ATE1: variants seen among roughly 807,000 people sequenced by gnomAD.
ATE1 encodes arginyl-tRNA--protein transferase 1.
Under a neutral mutation model 70.5 loss-of-function variants are expected in ATE1, and 36 were observed. That is an observed-to-expected ratio of 0.51 (90% CI 0.39 to 0.67). ATE1 has a LOEUF of 0.67. ATE1 is among the 30% of genes least tolerant of loss of function. The pLI, the probability that ATE1 is intolerant of heterozygous loss-of-function variation, is 0.00. For missense variants in ATE1, 593 were observed against 629.5 expected (o/e 0.94, Z 0.62); for synonymous variants, 232 against 219.3 (o/e 1.06, Z -0.51).
chr10:121,778,482 A>C (rs147341442), intron 11 of ATE1, among the ~76,000 whole-genome samples: 295 of 151,550 alleles, frequency 1.9e-3, no homozygotes, highest in Non-Finnish European at 3.1e-3. Context: ...CCATTTGGTA[A>C]ATGAAAAGGA....
intron 8 of ATE1, among the ~76,000 whole-genome samples, chr10:121,842,329 T>A (rs1208723239): frequency 6.6e-6 from 1 of 152,146 alleles, no homozygotes; most frequent in Non-Finnish European, 1.5e-5. Context: ...AAGAACAGTA[T>A]CAAGGAGCAT....
chr10:121,922,119 A>AT (rs1187671122), intron 3 of ATE1, among the ~76,000 whole-genome samples: 1 of 152,174 alleles, frequency 6.6e-6, no homozygotes, highest in African/African-American at 2.4e-5. Flanking sequence ...TTAAGAGGGT[A>AT]TTTTTTTCAC....
intron 11 of ATE1, among the ~76,000 whole-genome samples, chr10:121,762,544 T>G (rs1590230439): frequency 6.6e-6 from 1 of 152,150 alleles, no homozygotes; most frequent in Non-Finnish European, 1.5e-5. Context: ...CTGTGTGGAT[T>G]TTCTCAAGGT....
At chr10:121,811,951 C>CTTTTT (rs71022870) in intron 10 of ATE1, among the ~76,000 whole-genome samples, 23 of 74,730 alleles carry the variant, frequency 3.1e-4, no homozygotes, top group East Asian at 1.7e-3. Flanking sequence ...ATTCCAAATT[C>CTTTTT]TTTTTTTTTT....
At chr10:121,792,201 T>A (rs1008097897) in intron 10 of ATE1, among the ~76,000 whole-genome samples, 2 of 152,070 alleles carry the variant, frequency 1.3e-5, no homozygotes, top group African/African-American at 2.4e-5. Context: ...GGGAACGGCA[T>A]AAACAAAGAC....
intron 11 of ATE1, among the ~76,000 whole-genome samples, chr10:121,761,414 C>T (rs1433832918): frequency 6.6e-6 from 1 of 152,124 alleles, no homozygotes; most frequent in Non-Finnish European, 1.5e-5. Context: ...CTCAGATGAT[C>T]ACTAGCATTT....
intron 8 of ATE1, among the ~76,000 whole-genome samples, chr10:121,866,280 T>C (rs891846227): frequency 1.3e-4 from 20 of 152,130 alleles, no homozygotes; most frequent in African/African-American, 4.8e-4. Context: ...TAGAAAAATA[T>C]CAACAGAAAG....
Position 121,919,664 on chromosome 10 carries a change from C to T in ATE1, c.233+2685G>A, listed in dbSNP as rs1264714263. 3.3e-5 allele frequency among the ~76,000 whole-genome samples: 5 copies of T among 151,794 alleles called. No homozygotes were observed. In the East Asian group the frequency reaches 5.8e-4, roughly 18 times the overall value. On this transcript the variant is annotated intron_variant, in intron 3 of 11. Transcript: ENST00000224652. ...GGCATGGTGGCTCACGCCTGAAATC[C>T]CAGCACTTTGAGGTGGGTAGATCAC...
intron 10 of ATE1, among the ~76,000 whole-genome samples, chr10:121,803,343 A>G (rs906254700): frequency 4.6e-5 from 7 of 152,218 alleles, no homozygotes; most frequent in Non-Finnish European, 8.8e-5. Context: ...GTTGCATTTA[A>G]ATATGTTTTA....
intron 10 of ATE1, among the ~76,000 whole-genome samples, chr10:121,813,219 C>T (rs963543184): frequency 6.6e-6 from 1 of 152,224 alleles, no homozygotes; most frequent in Non-Finnish European, 1.5e-5. Context: ...ACCCTAAGGA[C>T]ACCACCTTAG....
chr10:121,809,892 C>G (rs1232687530), intron 10 of ATE1, among the ~76,000 whole-genome samples: 1 of 148,690 alleles, frequency 6.7e-6, no homozygotes, highest in African/African-American at 2.5e-5. Context: ...AAAAACAAAA[C>G]AAAACAAAAC....
At chr10:121,753,183 C>A (rs981250337) in intron 11 of ATE1, among the ~76,000 whole-genome samples, 1 of 152,132 alleles carries the variant, frequency 6.6e-6, no homozygotes, top group Non-Finnish European at 1.5e-5. Flanking sequence ...TCTGTGTATG[C>A]TGAACTCATT....
chr10:121,803,070 T>C (rs368863359), intron 10 of ATE1, among the ~76,000 whole-genome samples: 1 of 152,188 alleles, frequency 6.6e-6, no homozygotes, highest in Non-Finnish European at 1.5e-5. Flanking sequence ...ATACAATCTA[T>C]TGGAGTTGTC....
intron 8 of ATE1, among the ~76,000 whole-genome samples, chr10:121,852,237 TC>T (rs1488293754): frequency 6.6e-6 from 1 of 152,172 alleles, no homozygotes; most frequent in Non-Finnish European, 1.5e-5. Context: ...AAAATACCTC[TC>T]CCACATTGTA....
intron 1 of ATE1, among the ~76,000 whole-genome samples, chr10:121,925,238 T>C (rs1160232411): frequency 6.6e-6 from 1 of 151,972 alleles, no homozygotes; most frequent in Non-Finnish European, 1.5e-5. Flanking sequence ...CTGGCCAACA[T>C]GGTGAAACCC....
At chr10:121,877,010 A>G (rs1160839258) in intron 7 of ATE1, among the ~76,000 whole-genome samples, 2 of 152,076 alleles carry the variant, frequency 1.3e-5, no homozygotes, top group Non-Finnish European at 2.9e-5. Flanking sequence ...CATTATCAGC[A>G]GCAAACAAAA....
chr10:121,874,957 A>G lies in ATE1; in HGVS notation c.943-4919T>C, dbSNP rs367905850. ...AGATCGAGACCATCCTGGCTAACACAGTGAAACCCCATCTCTACTAAAAGA... is the reference window on the plus strand; with the variant it reads ...AGATCGAGACCATCCTGGCTAACACGGTGAAACCCCATCTCTACTAAAAGA... On this transcript the variant is annotated intron_variant, in intron 7 of 11. Transcript: ENST00000224652. Among the ~76,000 whole-genome samples, 804 of 150,476 alleles carry G rather than the reference A, an allele frequency of 5.3e-3. 15 individuals carry two copies. Among genetic ancestry groups the G allele is most frequent in the African/African-American group, 0.019 (762 of 40,724 alleles).
At chr10:121,869,785 G>A (rs1949787698) in intron 8 of ATE1, among the ~76,000 whole-genome samples, 1 of 152,072 alleles carries the variant, frequency 6.6e-6, no homozygotes, top group African/African-American at 2.4e-5. Flanking sequence ...TTAAAAAGAG[G>A]CAATAACCTG....
intron 8 of ATE1, among the ~76,000 whole-genome samples, chr10:121,844,454 GT>G (rs2133814692): frequency 6.6e-6 from 1 of 152,298 alleles, no homozygotes; most frequent in African/African-American, 2.4e-5. Flanking sequence ...CCAAATGCTG[GT>G]AAGGATGCAG....
Sources: gnomAD v4.1 joint callset for allele counts (sites outside exome capture counted in the v4.1 genomes callset) on GRCh38, gnomAD v4.1.1 for gene constraint, MANE v1.5 for transcripts, NCBI Gene and HGNC (gene_info 2026-07-23, HGNC 2026-07-21) for gene names.